The following GLB1 variants were observed in gnomAD, a reference collection of about 807,000 sequenced individuals.
The protein encoded by GLB1 is beta-galactosidase.
GLB1 carries 56 observed loss-of-function variants against 74.0 expected under a neutral mutation model. The observed-to-expected ratio is 0.76, with a 90% CI of 0.61 to 0.94. GLB1 has a LOEUF of 0.94. Ranked by LOEUF, GLB1 falls within the 40% of genes least tolerant of loss-of-function variation. The pLI is 0.00. For missense variants in GLB1, 787 were observed against 845.5 expected, an observed-to-expected ratio of 0.93 and a Z score of 0.86; for synonymous variants, 323 against 323.6, an observed-to-expected ratio of 1.00 and a Z score of 0.02.
intron 6 of GLB1, among the ~76,000 whole-genome samples, chr3:33,055,843 A>C (rs1227781471): frequency 6.6e-6 from 1 of 151,796 alleles, no homozygotes; most frequent in African/African-American, 2.4e-5. Flanking sequence ...GAGTCCTTTT[A>C]TCACCAAATG....
intron 2 of GLB1, among the ~76,000 whole-genome samples, chr3:33,072,101 G>C (rs1328640744): frequency 1.3e-5 from 2 of 152,288 alleles, no homozygotes; most frequent in Middle Eastern, 3.4e-3. Context: ...AGCCATACCT[G>C]TGCTACAGCT....
chr3:33,031,673 AT>A (rs1481804178), intron 10 of GLB1, among the ~76,000 whole-genome samples: 2 of 129,124 alleles, frequency 1.5e-5, no homozygotes, highest in Non-Finnish European at 3.2e-5. Context: ...ATATATATAT[AT>A]AATCTCCACT....
In GLB1 at chr3:33,001,147, CCTTT is replaced by C. The variant is rs1412787279; in HGVS notation, c.1735-3807_1735-3804del. 5.3e-5 allele frequency among the ~76,000 whole-genome samples: 8 copies of C among 152,054 alleles called. No individual in the cohort carries two copies. In the East Asian group the frequency reaches 7.7e-4, roughly 15 times the overall value. ...TCTCTTTCTTCTCCTTCTTGTTCTTCCTTTCTCTCTTCTCTTCTCCTCTCCTCTT... is the reference window on the plus strand; with the variant it reads ...TCTCTTTCTTCTCCTTCTTGTTCTTCCTCTCTTCTCTTCTCCTCTCCTCTT... On this transcript the variant is annotated intron_variant, in intron 15 of 15. Transcript: ENST00000307363.
chr3:32,989,373 C>T, the GLB1 span, among the ~76,000 whole-genome samples: 10 of 152,306 alleles, frequency 6.6e-5, no homozygotes, highest in East Asian at 3.9e-4. Flanking sequence ...GAGGCACTTC[C>T]GGCTCACGAA....
At chr3:33,046,084 A>G (rs1000689383) in intron 10 of GLB1, 36 bp downstream of exon 10, 2 of 1,607,582 alleles carry the variant, frequency 1.2e-6, no homozygotes, top group African/African-American at 2.7e-5. Context: ...GGCTCTGTCC[A>G]AGATCAGCCC....
chr3:33,094,690 G>C (rs919312917), intron 1 of GLB1, among the ~76,000 whole-genome samples: 7 of 148,226 alleles, frequency 4.7e-5, no homozygotes, highest in Non-Finnish European at 7.5e-5. Context: ...CTGAGGGGGT[G>C]GAGTCTTCCA....
the GLB1 span, among the ~76,000 whole-genome samples, chr3:32,978,606 G>C: frequency 6.6e-6 from 1 of 152,190 alleles, no homozygotes; most frequent in African/African-American, 2.4e-5. Flanking sequence ...AGAGGCAGCA[G>C]TGCCTGATGG....
chr3:32,977,808 C>T, the GLB1 span, among the ~76,000 whole-genome samples: 2 of 152,122 alleles, frequency 1.3e-5, no homozygotes, highest in East Asian at 1.9e-4. Context: ...GCACTGACAC[C>T]GTTCAGGGGA....
rs1364046772 is a variant in GLB1 at position 33,045,660 on chromosome 3, A to C, written c.1068+460T>G. The stretch of plus-strand genomic sequence containing the variant: ...ACCTCTTTTGATATTGAAGTACATT[A>C]GCTGTGTCTCAAGGATAGGGGCTCC... On this transcript the variant is annotated intron_variant, in intron 10 of 15. Transcript: ENST00000307363. The C allele has an allele frequency of 3.0e-6, 3 of 1,008,088 alleles. No individual in the cohort carries two copies. The African/African-American group carries it at 5.2e-5, about 17-fold the overall frequency. The allele number at this position is 1,008,088 out of a possible 1,614,324, so 62.4% of individuals were successfully genotyped here.
chr3:32,995,706 G>A (rs1696295419), downstream of GLB1, among the ~76,000 whole-genome samples: 1 of 151,830 alleles, frequency 6.6e-6, no homozygotes, highest in African/African-American at 2.4e-5. Flanking sequence ...AGGGCCGGGT[G>A]CAGTGGTTCA....
At chr3:33,018,008 C>T (rs191068730) in intron 13 of GLB1, among the ~76,000 whole-genome samples, 1 of 151,954 alleles carries the variant, frequency 6.6e-6, no homozygotes, top group Non-Finnish European at 1.5e-5. Flanking sequence ...GTGGAGCCCA[C>T]CGTGGTGGGT....
intron 2 of GLB1, among the ~76,000 whole-genome samples, chr3:33,070,585 T>C (rs941497835): frequency 6.6e-6 from 1 of 152,248 alleles, no homozygotes; most frequent in African/African-American, 2.4e-5. Context: ...AGCTCTCTTC[T>C]GTAATCCCTG....
At chr3:33,075,374 G>A (rs966162150) in intron 1 of GLB1, among the ~76,000 whole-genome samples, 3 of 152,214 alleles carry the variant, frequency 2.0e-5, no homozygotes, top group African/African-American at 7.2e-5. Flanking sequence ...AAAAAATGAT[G>A]GTGGGAGACA....
At chr3:33,077,011 C>T in intron 1 of GLB1, 1 of 1,225,774 alleles carries the variant, frequency 8.2e-7, no homozygotes, top group Non-Finnish European at 1.0e-6. Flanking sequence ...ATTGCTAGAG[C>T]CCAGGAGTTC....
chr3:33,064,186 C>T (rs1344031894), intron 5 of GLB1, among the ~76,000 whole-genome samples: 5 of 151,872 alleles, frequency 3.3e-5, no homozygotes, highest in Non-Finnish European at 5.9e-5. Flanking sequence ...CGCCTGTAAT[C>T]CCAGCACTTT....
chr3:33,052,119 C>T, intron 7 of GLB1, 115 bp from the exon 8 acceptor site: 1 of 1,576,952 alleles, frequency 6.3e-7, no homozygotes, highest in Non-Finnish European at 8.6e-7. Flanking sequence ...TGCTGACATG[C>T]ACTGCTTAAC....
the GLB1 span, among the ~76,000 whole-genome samples, chr3:32,972,265 A>C: frequency 1.1e-3 from 173 of 152,338 alleles, no homozygotes; most frequent in African/African-American, 3.8e-3. Context: ...ACAAATGAGG[A>C]ATGTTATATA....
chr3:32,988,819 C>T, the GLB1 span, among the ~76,000 whole-genome samples: 1 of 151,852 alleles, frequency 6.6e-6, no homozygotes, highest in Non-Finnish European at 1.5e-5. Flanking sequence ...TAAAACTAGT[C>T]CTCCACCTAA....
chr3:33,057,684 G>T (rs559631604), intron 6 of GLB1, among the ~76,000 whole-genome samples: 5 of 152,296 alleles, frequency 3.3e-5, no homozygotes, highest in African/African-American at 1.2e-4. Flanking sequence ...GCATAACCCC[G>T]AGTGTCCTGC....
Sources: allele counts gnomAD v4.1 joint callset (sites outside exome capture counted in the v4.1 genomes callset), GRCh38; gene constraint gnomAD v4.1.1; transcripts MANE v1.5; gene names NCBI Gene and HGNC (gene_info 2026-07-23, HGNC 2026-07-21).